Variants in HTR7 observed in about 807,000 individuals in gnomAD.
HTR7 encodes 5-hydroxytryptamine receptor 7, also known as 5-HT-7.
Under a neutral mutation model 34.0 loss-of-function variants are expected in HTR7, and 16 were observed. That is an observed-to-expected ratio of 0.47 (90% CI 0.32 to 0.71). HTR7 has a LOEUF of 0.71. Among genes scored for constraint, HTR7 ranks in the 30% least tolerant of loss-of-function variants. The pLI is 0.04. For missense variants in HTR7, 504 were observed against 625.5 expected (o/e 0.81, Z 2.07); for synonymous variants, 265 against 260.2 (o/e 1.02, Z -0.18).
chr10:90,854,982 G>A (rs770001991), intron 1 of HTR7, among the ~76,000 whole-genome samples: 10 of 152,204 alleles, frequency 6.6e-5, no homozygotes, highest in Admixed American at 2.0e-4. Flanking sequence ...CAGAAAACAT[G>A]CTTTTCAGAA....
chr10:90,814,922 G>A (rs1845874837), intron 1 of HTR7, among the ~76,000 whole-genome samples: 1 of 152,178 alleles, frequency 6.6e-6, no homozygotes, highest in Non-Finnish European at 1.5e-5. Context: ...TAGTGAGGCA[G>A]GTGAACCAAG....
chr10:90,742,943 T>C (rs1844577105), intron 3 of HTR7, among the ~76,000 whole-genome samples: 2 of 152,168 alleles, frequency 1.3e-5, no homozygotes, highest in Admixed American at 6.5e-5. Flanking sequence ...TTGTAAGGTA[T>C]GTGTGTAGGG....
At chr10:90,782,401 T>TGGA (rs1845319217) in intron 1 of HTR7, among the ~76,000 whole-genome samples, 1 of 152,188 alleles carries the variant, frequency 6.6e-6, no homozygotes, top group Admixed American at 6.5e-5. Context: ...ATATTATATT[T>TGGA]TCAATACAAT....
intron 1 of HTR7, among the ~76,000 whole-genome samples, chr10:90,772,017 G>C (rs1241853000): frequency 6.6e-6 from 1 of 152,038 alleles, no homozygotes; most frequent in Non-Finnish European, 1.5e-5. Context: ...CTTTTGGTCA[G>C]AACTATAAGC....
intron 1 of HTR7, among the ~76,000 whole-genome samples, chr10:90,782,000 G>T (rs1292176627): frequency 6.6e-6 from 1 of 152,182 alleles, no homozygotes; most frequent in Non-Finnish European, 1.5e-5. Context: ...GTTGGATCAG[G>T]CTGGACTCCA....
intron 1 of HTR7, among the ~76,000 whole-genome samples, chr10:90,854,128 G>A (rs1589484748): frequency 6.6e-6 from 1 of 152,258 alleles, no homozygotes; most frequent in African/African-American, 2.4e-5. Context: ...CATTTTGGGA[G>A]GCCGAGGTGG....
chr10:90,788,013 A>G (rs2119869770), intron 1 of HTR7, among the ~76,000 whole-genome samples: 1 of 152,216 alleles, frequency 6.6e-6, no homozygotes, highest in Non-Finnish European at 1.5e-5. Context: ...TGTTAAATAG[A>G]TATTAAATAA....
chr10:90,827,774 G>C (rs555455106), intron 1 of HTR7, among the ~76,000 whole-genome samples: 2 of 152,296 alleles, frequency 1.3e-5, no homozygotes, highest in South Asian at 4.1e-4. Flanking sequence ...CCAATACAAT[G>C]ATAGCAGGAG....
intron 1 of HTR7, among the ~76,000 whole-genome samples, chr10:90,812,240 G>C (rs920392181): frequency 6.6e-5 from 10 of 152,010 alleles, no homozygotes; most frequent in Non-Finnish European, 1.5e-4. Context: ...AAAAAAACTT[G>C]TCATCCCTAC....
intron 1 of HTR7, among the ~76,000 whole-genome samples, chr10:90,787,297 G>T (rs926254920): frequency 6.6e-6 from 1 of 152,076 alleles, no homozygotes; most frequent in Admixed American, 6.5e-5. Context: ...AGACCATCCT[G>T]GGCAATATGG....
rs755565388 is a variant in HTR7, at chr10:90,749,158, C to T, written c.976G>A (p.Ala326Thr). 1 of 1,614,140 alleles carries T rather than the reference C, an allele frequency of 6.2e-7. No individual in the cohort carries two copies. The highest frequency in any genetic ancestry group is 1.1e-5 in the South Asian group (1 of 91,078). Residue 326 changes from alanine to threonine, a missense_variant, in exon 2 of 4, where the codon GCC becomes ACC. This residue lies in a region of HTR7 where 154 missense variants were observed against 212.1 expected (regional missense o/e 0.73). Coordinates refer to ENST00000336152, the MANE Select transcript of HTR7 (RefSeq NM_019859.4). This position sits in a 1 kb window ranked among gnomAD's most constrained non-coding sequence, Gnocchi z 4.2. ...CCGACGATGATCCCCAGGGTGGTGG[C>T]TGCTTTCTGTTCTCGCTTAAAGATG... is the stretch of plus-strand genomic sequence containing the variant. ...ISIFKREQKA[A>T]TTLGIIVGAF... is the part of the protein sequence containing the mutation.
intron 1 of HTR7, among the ~76,000 whole-genome samples, chr10:90,764,279 T>A (rs932608020): frequency 1.3e-5 from 2 of 151,814 alleles, no homozygotes; most frequent in African/African-American, 4.9e-5. Flanking sequence ...TCTGTTCATA[T>A]CCTTTGCCCA....
chr10:90,786,040 A>G (rs900268611), intron 1 of HTR7, among the ~76,000 whole-genome samples: 4 of 152,160 alleles, frequency 2.6e-5, no homozygotes, highest in Non-Finnish European at 4.4e-5. Flanking sequence ...CTTCTTAAAT[A>G]CTGCTCATTC....
At chr10:90,770,841 C>T (rs776130087) in intron 1 of HTR7, among the ~76,000 whole-genome samples, 46 of 152,260 alleles carry the variant, frequency 3.0e-4, no homozygotes, top group Admixed American at 3.3e-4. Flanking sequence ...CCAGTGAGGC[C>T]CCACCTTCGG....
intron 1 of HTR7, among the ~76,000 whole-genome samples, chr10:90,824,911 G>T (rs1337173667): frequency 1.3e-5 from 2 of 152,198 alleles, no homozygotes; most frequent in Admixed American, 1.3e-4. Flanking sequence ...GGGCCCTGGG[G>T]AACTCCACTC....
chr10:90,846,307 T>C (rs563150919), intron 1 of HTR7, among the ~76,000 whole-genome samples: 101 of 152,352 alleles, frequency 6.6e-4, no homozygotes, highest in African/African-American at 2.3e-3. Context: ...ATTTTCTACC[T>C]GTGGCATCAT....
intron 1 of HTR7, among the ~76,000 whole-genome samples, chr10:90,813,884 C>T (rs566598462): frequency 1.3e-5 from 2 of 152,264 alleles, no homozygotes; most frequent in East Asian, 1.9e-4. Context: ...ATGTAAACAT[C>T]GCACCTGGTC....
chr10:90,791,271 G>T (rs1845455580), intron 1 of HTR7, among the ~76,000 whole-genome samples: 1 of 151,922 alleles, frequency 6.6e-6, no homozygotes, highest in African/African-American at 2.4e-5. Context: ...GACAAATGTG[G>T]AAAGTGCCAT....
At chr10:90,851,501 A>G (rs1846499056) in intron 1 of HTR7, among the ~76,000 whole-genome samples, 1 of 144,428 alleles carries the variant, frequency 6.9e-6, no homozygotes, top group Non-Finnish European at 1.5e-5. Context: ...GCTACTCTGG[A>G]GGCTAAGGCA....
Sources: allele counts gnomAD v4.1 joint callset (sites outside exome capture counted in the v4.1 genomes callset), GRCh38; gene constraint gnomAD v4.1.1; regional missense constraint gnomAD v4.1.1; non-coding constraint Gnocchi (gnomAD v3.1); transcripts MANE v1.5; gene names NCBI Gene and HGNC (gene_info 2026-07-23, HGNC 2026-07-21).